The following KCNJ3 variants were observed in gnomAD, a reference collection of about 807,000 sequenced individuals.
KCNJ3 encodes the protein potassium inwardly rectifying channel subfamily J member 3.
Under a neutral mutation model 39.2 loss-of-function variants are expected in KCNJ3, and 4 were observed. The observed-to-expected ratio is 0.10, with a 90% confidence interval of 0.05 to 0.23. The LOEUF is 0.23. Ranked by LOEUF, KCNJ3 falls within the 10% of genes least tolerant of loss-of-function variation. The pLI is 1.00. For synonymous variants in KCNJ3, 230 were observed against 237.4 expected (o/e 0.97, Z 0.29); for missense variants, 276 against 634.9 (o/e 0.43, Z 6.08).
chr2:154,746,734 C>A (rs1466060683), intron 2 of KCNJ3, among the ~76,000 whole-genome samples: 9 of 150,916 alleles, frequency 6.0e-5, no homozygotes, highest in Middle Eastern at 3.4e-3. Context: ...TCACAGGGAG[C>A]ACAAGAAAAT....
At chr2:154,805,215 C>T (rs995951692) in intron 2 of KCNJ3, among the ~76,000 whole-genome samples, 8 of 151,872 alleles carry the variant, frequency 5.3e-5, no homozygotes, top group African/African-American at 1.7e-4. Flanking sequence ...AAATTGTGAC[C>T]TAACAGACTA....
intron 2 of KCNJ3, among the ~76,000 whole-genome samples, chr2:154,756,914 G>A (rs1002289928): frequency 6.6e-6 from 1 of 151,888 alleles, no homozygotes; most frequent in African/African-American, 2.4e-5. Flanking sequence ...ATATGTGAGA[G>A]GATTTTGACT....
At chr2:154,725,451 C>A (rs1685337206) in intron 2 of KCNJ3, among the ~76,000 whole-genome samples, 2 of 151,798 alleles carry the variant, frequency 1.3e-5, no homozygotes, top group Non-Finnish European at 2.9e-5. Flanking sequence ...TTCAGTGTGT[C>A]ATTTTGTCTT....
intron 2 of KCNJ3, among the ~76,000 whole-genome samples, chr2:154,731,414 A>G (rs954077574): frequency 6.6e-6 from 1 of 152,058 alleles, no homozygotes; most frequent in Non-Finnish European, 1.5e-5. Context: ...TACACTTTGT[A>G]CCCAGGTTCC....
chr2:154,840,224 A>G (rs975367690), intron 2 of KCNJ3, among the ~76,000 whole-genome samples: 24 of 152,102 alleles, frequency 1.6e-4, no homozygotes, highest in African/African-American at 5.8e-4. Context: ...TGTTTTTGTC[A>G]GGTTTGTCAA....
At chr2:154,851,251 A>AAT (rs1687751704) in intron 2 of KCNJ3, among the ~76,000 whole-genome samples, 1 of 151,882 alleles carries the variant, frequency 6.6e-6, no homozygotes, top group Non-Finnish European at 1.5e-5. Context: ...GAAAAAAAAA[A>AAT]AATTGTTATC....
At chr2:154,789,556 A>AGAT in intron 2 of KCNJ3, among the ~76,000 whole-genome samples, 1 of 152,210 alleles carries the variant, frequency 6.6e-6, no homozygotes, top group East Asian at 1.9e-4. Context: ...TTCAAATGTT[A>AGAT]GATATTATTA....
At chr2:154,785,599 G>T (rs150280789) in intron 2 of KCNJ3, among the ~76,000 whole-genome samples, 1 of 152,164 alleles carries the variant, frequency 6.6e-6, no homozygotes, top group Non-Finnish European at 1.5e-5. Context: ...CCCACACCAT[G>T]TGATGCCTTT....
chr2:154,729,823 T>G (rs1319459442), intron 2 of KCNJ3, among the ~76,000 whole-genome samples: 1 of 152,128 alleles, frequency 6.6e-6, no homozygotes, highest in African/African-American at 2.4e-5. Flanking sequence ...TCAGAATAAC[T>G]TTATATCGGA....
Position 154,855,595 on chromosome 2 carries a change from A to T in KCNJ3, c.*282A>T. On this transcript the variant is annotated 3_prime_UTR_variant, in exon 3 of 3. Transcript: ENST00000295101. The stretch of plus-strand genomic sequence containing the variant: ...TTTTATGGCATGATTTATATATGGC[A>T]TATTTATATTGTATATTCTGGAAAA... 1 of 211,976 alleles carries T rather than the reference A, an allele frequency of 4.7e-6. No individual in the cohort carries two copies. The highest frequency in any genetic ancestry group is 9.2e-6 in the Non-Finnish European group (1 of 109,272). The allele number at this position is 211,976 out of a possible 1,614,324, so 13.1% of individuals were successfully genotyped here.
In KCNJ3 at chr2:154,856,458, T is replaced by A. The variant is rs1253901951; in HGVS notation, c.*1145T>A. The A allele has an allele frequency of 6.6e-6, 1 of 152,436 alleles. No individual in the cohort carries two copies. Among genetic ancestry groups the A allele is most frequent in the Non-Finnish European group, 1.5e-5 (1 of 67,992 alleles). 9.4% of individuals were successfully genotyped at this position (152,436 alleles called of 1,614,324 possible). On this transcript the variant is annotated 3_prime_UTR_variant, in exon 3 of 3. Transcript: ENST00000295101. ...AGATGATAAATATTTATGCTTAAAA[T>A]ATGTATGTCTAATTGAGTCTCTTTT...
chr2:154,746,072 A>G (rs1211026141), intron 2 of KCNJ3, among the ~76,000 whole-genome samples: 1 of 151,896 alleles, frequency 6.6e-6, no homozygotes. Context: ...TTCAACTTGA[A>G]CATGACAAGA....
In KCNJ3 at chr2:154,854,916, C is replaced by T. The variant is rs747973240; in HGVS notation, c.1109C>T (p.Pro370Leu). 3 of 1,613,946 alleles carry T rather than the reference C, an allele frequency of 1.9e-6. No individual in the cohort carries two copies. The highest frequency in any genetic ancestry group is 3.3e-4 in the Middle Eastern group (2 of 6,060). Residue 370 changes from proline to leucine, a missense_variant, in exon 3 of 3, where the codon CCT (proline) becomes CTT (leucine). Pro to Leu is a moderately conservative substitution (Grantham distance 98, BLOSUM62 -3). This residue lies in a region of KCNJ3 where 126 missense variants were observed against 179.8 expected (regional missense o/e 0.70). Transcript: ENST00000295101. ...EQEEMLLMSS[P>L]LIAPAITNSK... ...GAGGAAATGCTTCTCATGTCGTCCC[C>T]TTTAATAGCACCAGCCATAACTAAC...
At chr2:154,797,999 G>A (rs2105214763) in intron 2 of KCNJ3, among the ~76,000 whole-genome samples, 1 of 151,200 alleles carries the variant, frequency 6.6e-6, no homozygotes, top group Middle Eastern at 3.4e-3. Context: ...TCATTTCCTG[G>A]TCCTCCCAGC....
intron 2 of KCNJ3, among the ~76,000 whole-genome samples, chr2:154,746,763 A>G (rs1368585011): frequency 6.6e-6 from 1 of 151,646 alleles, no homozygotes; most frequent in African/African-American, 2.4e-5. Flanking sequence ...TCTTTTTAAA[A>G]CTACATTGGA....
chr2:154,817,314 A>T (rs1051733382), intron 2 of KCNJ3, among the ~76,000 whole-genome samples: 2 of 152,178 alleles, frequency 1.3e-5, no homozygotes, highest in African/African-American at 4.8e-5. Context: ...AGCAGTGCTG[A>T]TAGGAGCCTT....
At chr2:154,813,615 A>T (rs1687036485) in intron 2 of KCNJ3, among the ~76,000 whole-genome samples, 1 of 152,144 alleles carries the variant, frequency 6.6e-6, no homozygotes, top group Non-Finnish European at 1.5e-5. Context: ...ATGTTTTATC[A>T]TTGGTTTAGC....
In KCNJ3 at chr2:154,746,642, GTA is replaced by G. The variant is rs1246950416; in HGVS notation, c.919+36831_919+36832del. Among the ~76,000 whole-genome samples, 73 of 146,312 alleles carry G rather than the reference GTA, an allele frequency of 5.0e-4. 1 individual carries two copies. The South Asian group carries it at 0.014, about 29-fold the overall frequency. ...TATATATATATATATGTATATATGT[GTA>G]TATATATGTGTGTGTGTGTGTGTGT... On this transcript the variant is annotated intron_variant, in intron 2 of 2. Coordinates refer to ENST00000295101, the MANE Select transcript of KCNJ3 (RefSeq NM_002239.4).
chr2:154,722,857 G>T (rs1179639874), intron 2 of KCNJ3, among the ~76,000 whole-genome samples: 1 of 152,112 alleles, frequency 6.6e-6, no homozygotes, highest in Non-Finnish European at 1.5e-5. Flanking sequence ...ACTTTTGGCT[G>T]GGGTATAGGG....
Sources: gnomAD v4.1 joint callset for allele counts (sites outside exome capture counted in the v4.1 genomes callset) on GRCh38, gnomAD v4.1.1 for gene constraint, gnomAD v4.1.1 regional missense constraint, MANE v1.5 for transcripts, NCBI Gene and HGNC (gene_info 2026-07-23, HGNC 2026-07-21) for gene names.